Variants in SUCLG2 observed in about 807,000 individuals in gnomAD.
SUCLG2 encodes the protein succinate-CoA ligase GDP-forming subunit beta.
A neutral mutation model predicts 47.9 loss-of-function variants in SUCLG2; 42 were observed. The ratio of observed to expected loss-of-function variants is 0.88; its 90% CI spans 0.69 to 1.14. The LOEUF (loss-of-function observed/expected upper bound fraction) is 1.14. Ranked by LOEUF, SUCLG2 falls within the 50% of genes most tolerant of loss-of-function variation. SUCLG2 has a pLI of 0.00. For missense variants in SUCLG2, 571 were observed against 525.9 expected (o/e 1.09, Z -0.84); for synonymous variants, 195 against 197.3 (o/e 0.99, Z 0.10).
In SUCLG2 at chr3:67,561,819, C is replaced by T. The variant is rs116210875; in HGVS notation, c.227-32633G>A. 6.2e-3 allele frequency among the ~76,000 whole-genome samples: 946 copies of T among 152,266 alleles called. 7 individuals are homozygous for T. The highest frequency in any genetic ancestry group is 0.01 in the Middle Eastern group (3 of 294). On this transcript the variant is annotated intron_variant, in intron 2 of 10. Coordinates refer to ENST00000307227, the MANE Select transcript of SUCLG2 (RefSeq NM_003848.4). ...CTAGGATTCTTTATTCCTGTACATA[C>T]CAGTTCAAAAGGCAGACAAATGCAC...
At chr3:67,586,413 A>G (rs1242681834) in intron 2 of SUCLG2, among the ~76,000 whole-genome samples, 2 of 152,142 alleles carry the variant, frequency 1.3e-5, no homozygotes, top group East Asian at 1.9e-4. Flanking sequence ...CATTTTTTTT[A>G]AAGGAAGAGC....
At chr3:67,628,240 A>G (rs1267573900) in intron 1 of SUCLG2, among the ~76,000 whole-genome samples, 1 of 152,212 alleles carries the variant, frequency 6.6e-6, no homozygotes, top group Non-Finnish European at 1.5e-5. Flanking sequence ...CAGGGCAATC[A>G]CTTGTTTTGT....
chr3:67,424,052 A>T (rs1703239092), intron 9 of SUCLG2, among the ~76,000 whole-genome samples: 1 of 152,180 alleles, frequency 6.6e-6, no homozygotes, highest in East Asian at 1.9e-4. Context: ...TCTGTACTTG[A>T]TCTTCAAGGA....
intron 10 of SUCLG2, among the ~76,000 whole-genome samples, chr3:67,385,716 C>A (rs1649979056): frequency 6.6e-6 from 1 of 152,220 alleles, no homozygotes; most frequent in African/African-American, 2.4e-5. Flanking sequence ...GGTGGTCACA[C>A]AATAAGGTGC....
At chr3:67,561,351 C>T (rs1479433321) in intron 2 of SUCLG2, among the ~76,000 whole-genome samples, 1 of 152,050 alleles carries the variant, frequency 6.6e-6, no homozygotes, top group Non-Finnish European at 1.5e-5. Context: ...GGGTCTTTAA[C>T]ATCTTTTGCT....
intron 9 of SUCLG2, among the ~76,000 whole-genome samples, chr3:67,480,996 G>A (rs1008723328): frequency 2.7e-5 from 4 of 150,130 alleles, no homozygotes; most frequent in African/African-American, 9.8e-5. Flanking sequence ...TTGGCATCAA[G>A]ATGTACAATC....
At chr3:67,493,867 T>C (rs1705264669) in intron 9 of SUCLG2, among the ~76,000 whole-genome samples, 1 of 152,226 alleles carries the variant, frequency 6.6e-6, no homozygotes, top group Admixed American at 6.5e-5. Context: ...GATAGGTGTT[T>C]CTACCTAACC....
intron 2 of SUCLG2, among the ~76,000 whole-genome samples, chr3:67,575,744 T>C (rs1707725800): frequency 6.6e-6 from 1 of 152,214 alleles, no homozygotes; most frequent in African/African-American, 2.4e-5. Context: ...CAAGGACACC[T>C]ATGAGAATTA....
At chr3:67,409,938 T>A (rs1345923427) in intron 9 of SUCLG2, among the ~76,000 whole-genome samples, 1 of 152,212 alleles carries the variant, frequency 6.6e-6, no homozygotes, top group East Asian at 1.9e-4. Flanking sequence ...TAAATCAAAG[T>A]TCTCCAAAGT....
intron 9 of SUCLG2, among the ~76,000 whole-genome samples, chr3:67,421,339 G>C (rs952802847): frequency 6.6e-6 from 1 of 152,104 alleles, no homozygotes; most frequent in Non-Finnish European, 1.5e-5. Flanking sequence ...CGCTAACAGA[G>C]TCCTTTTTAT....
chr3:67,560,393 G>A (rs1446090973), intron 2 of SUCLG2, among the ~76,000 whole-genome samples: 1 of 152,170 alleles, frequency 6.6e-6, no homozygotes, highest in African/African-American at 2.4e-5. Context: ...AGGTCACCCA[G>A]TTTGTGCTAC....
At chr3:67,565,067 A>G (rs565914524) in intron 2 of SUCLG2, among the ~76,000 whole-genome samples, 18 of 152,302 alleles carry the variant, frequency 1.2e-4, no homozygotes, top group African/African-American at 4.3e-4. Flanking sequence ...CTGGTACCTA[A>G]CAGACTCAAT....
chr3:67,404,403 G>A (rs979768857), intron 9 of SUCLG2, among the ~76,000 whole-genome samples: 8 of 151,448 alleles, frequency 5.3e-5, no homozygotes, highest in Non-Finnish European at 1.2e-4. Context: ...GAACACAAAA[G>A]AATAAGAGAG....
At chr3:67,535,782 A>G (rs1035820221) in intron 2 of SUCLG2, among the ~76,000 whole-genome samples, 2 of 152,116 alleles carry the variant, frequency 1.3e-5, no homozygotes, top group African/African-American at 2.4e-5. Context: ...ACATCTCCAC[A>G]TCTGTCTGTC....
At chr3:67,367,827 T>C (rs992502069) in intron 10 of SUCLG2, among the ~76,000 whole-genome samples, 2 of 152,200 alleles carry the variant, frequency 1.3e-5, no homozygotes, top group Admixed American at 6.5e-5. Context: ...TATATTGTTA[T>C]GGTCAATTTT....
intron 2 of SUCLG2, among the ~76,000 whole-genome samples, chr3:67,574,015 G>C (rs1019031988): frequency 3.3e-5 from 5 of 152,146 alleles, no homozygotes; most frequent in African/African-American, 1.2e-4. Context: ...TAAGATCCCT[G>C]TTTCCTTGCT....
intron 4 of SUCLG2, among the ~76,000 whole-genome samples, chr3:67,522,676 T>G (rs986717400): frequency 6.6e-6 from 1 of 150,488 alleles, no homozygotes; most frequent in African/African-American, 2.5e-5. Flanking sequence ...TTTTTTTTTT[T>G]TTGTTGAGAC....
intron 9 of SUCLG2, among the ~76,000 whole-genome samples, chr3:67,414,894 T>G (rs1304345831): frequency 6.6e-6 from 1 of 152,216 alleles, no homozygotes; most frequent in Non-Finnish European, 1.5e-5. Flanking sequence ...TTGGCTCTGT[T>G]GCCCAGGCTG....
At chr3:67,391,793 C>A (rs1303323940) in intron 10 of SUCLG2, among the ~76,000 whole-genome samples, 1 of 152,082 alleles carries the variant, frequency 6.6e-6, no homozygotes, top group Non-Finnish European at 1.5e-5. Context: ...TGATGATGTC[C>A]CCTGGCCTCT....
Sources: gnomAD v4.1 joint callset for allele counts (sites outside exome capture counted in the v4.1 genomes callset) on GRCh38, gnomAD v4.1.1 for gene constraint, MANE v1.5 for transcripts, NCBI Gene and HGNC (gene_info 2026-07-23, HGNC 2026-07-21) for gene names.